The following PCDHA9 variants were observed in gnomAD, a reference collection of about 807,000 sequenced individuals.
PCDHA9 encodes the protein protocadherin alpha-9.
PCDHA9 carries 62 observed loss-of-function variants against 62.0 expected under a neutral mutation model. The observed-to-expected ratio is 1.00, with a 90% CI of 0.81 to 1.23. PCDHA9 has a LOEUF of 1.23. Among genes scored for constraint, PCDHA9 ranks in the 50% most tolerant of loss-of-function variants. The pLI, the probability that PCDHA9 is intolerant of heterozygous loss-of-function variation, is 0.00. For synonymous variants in PCDHA9, 557 were observed against 567.6 expected, an observed-to-expected ratio of 0.98 and a Z score of 0.27; for missense variants, 1,205 against 1,249.8, an observed-to-expected ratio of 0.96 and a Z score of 0.54.
intron 1 of PCDHA9, among the ~76,000 whole-genome samples, chr5:140,899,663 C>T (rs1583349850): frequency 1.3e-5 from 2 of 152,176 alleles, no homozygotes; most frequent in African/African-American, 4.8e-5. Flanking sequence ...TGTCTCTGCC[C>T]GGCTTTGGTA....
intron 1 of PCDHA9, among the ~76,000 whole-genome samples, chr5:140,896,089 G>A (rs13174119): frequency 0.32 from 48,051 of 152,038 alleles, 7,939 homozygotes; most frequent in East Asian, 0.53. Flanking sequence ...GGGATTACAG[G>A]CGTGAGCCAC....
intron 1 of PCDHA9, among the ~76,000 whole-genome samples, chr5:140,925,600 A>G (rs1489455075): frequency 6.6e-6 from 1 of 151,508 alleles, no homozygotes; most frequent in African/African-American, 2.4e-5. Context: ...TACATATGTA[A>G]CAAACCTGCA....
intron 1 of PCDHA9, chr5:140,871,145 C>T (rs1249708738): frequency 1.2e-6 from 2 of 1,613,300 alleles, no homozygotes; most frequent in East Asian, 2.2e-5. Context: ...TCTTCCCGGA[C>T]TTTGGCGGGC....
intron 1 of PCDHA9, chr5:140,863,338 C>T (rs1297413635): frequency 1.3e-5 from 18 of 1,361,566 alleles, no homozygotes; most frequent in Non-Finnish European, 1.8e-5. Flanking sequence ...GCTCACGTTG[C>T]TGCTGTACAC....
At chr5:140,986,480 T>A (rs781884269) in intron 3 of PCDHA9, among the ~76,000 whole-genome samples, 16 of 152,200 alleles carry the variant, frequency 1.1e-4, no homozygotes, top group Non-Finnish European at 1.5e-4. Flanking sequence ...GATCAGTTCC[T>A]AGGGCAATCC....
At chr5:140,954,119 C>T (rs547590061) in intron 1 of PCDHA9, among the ~76,000 whole-genome samples, 2 of 152,156 alleles carry the variant, frequency 1.3e-5, no homozygotes, top group African/African-American at 4.8e-5. Flanking sequence ...AGATCTTGTT[C>T]CTTTTTATGG....
intron 3 of PCDHA9, among the ~76,000 whole-genome samples, chr5:141,000,955 T>G (rs1237087024): frequency 6.6e-6 from 1 of 152,210 alleles, no homozygotes; most frequent in Non-Finnish European, 1.5e-5. Flanking sequence ...CTTGCTGTAA[T>G]TTAAGCCTTC....
chr5:140,851,867 A>T, intron 1 of PCDHA9: 2 of 977,010 alleles, frequency 2.0e-6, no homozygotes, highest in South Asian at 9.5e-5. Context: ...CATACATAAC[A>T]CAAGGCAGAA....
chr5:140,881,655 C>T (rs1336529643), intron 1 of PCDHA9, among the ~76,000 whole-genome samples: 1 of 152,120 alleles, frequency 6.6e-6, no homozygotes, highest in Non-Finnish European at 1.5e-5. Flanking sequence ...TCACCTTCAC[C>T]GATTTTATTC....
At chr5:140,878,855 T>C (rs905851216) in intron 1 of PCDHA9, among the ~76,000 whole-genome samples, 3 of 152,250 alleles carry the variant, frequency 2.0e-5, no homozygotes, top group Admixed American at 6.5e-5. Context: ...TGGGTTCAAC[T>C]GATCCTCCAT....
At chr5:140,977,342 T>A (rs1554238451) in intron 1 of PCDHA9, among the ~76,000 whole-genome samples, 1 of 152,222 alleles carries the variant, frequency 6.6e-6, no homozygotes, top group South Asian at 2.1e-4. Context: ...GAGACGGTGA[T>A]GATGACTGAT....
In PCDHA9 at chr5:140,869,220, C is replaced by T. The variant is rs184355295; in HGVS notation, c.2394+18331C>T. 1,109 of 1,613,836 alleles carry T rather than the reference C, an allele frequency of 6.9e-4. 5 individuals are homozygous for T. The African/African-American group carries it at 0.013, about 19-fold the overall frequency. On this transcript the variant is annotated intron_variant, in intron 1 of 3. Coordinates refer to ENST00000532602, the MANE Select transcript of PCDHA9 (RefSeq NM_031857.2). ...TCCACTACTCCGTCTCGGAGGAGGC[C>T]AAACACGGCACCTTCGTGGGCCGCA...
chr5:140,923,055 A>G (rs1233279179), intron 1 of PCDHA9, among the ~76,000 whole-genome samples: 1 of 152,236 alleles, frequency 6.6e-6, no homozygotes, highest in African/African-American at 2.4e-5. Flanking sequence ...TTTAGAATAA[A>G]AGAGCTAGGT....
Position 140,883,339 on chromosome 5 carries a change from C to A in PCDHA9, c.2394+32450C>A, listed in dbSNP as rs142984869. 95 of 1,614,172 alleles carry A rather than the reference C, an allele frequency of 5.9e-5. No individual in the cohort carries two copies. The African/African-American group carries it at 1.1e-3, about 19-fold the overall frequency. ...AGGTTACCATCACTTCTTTGTCACTCCCCATCAGAGAAGACACTCAGCCTA... is the reference window on the plus strand; with the variant it reads ...AGGTTACCATCACTTCTTTGTCACTACCCATCAGAGAAGACACTCAGCCTA... On this transcript the variant is annotated intron_variant, in intron 1 of 3. Coordinates refer to ENST00000532602, the MANE Select transcript of PCDHA9 (RefSeq NM_031857.2).
chr5:140,928,798 G>A lies in PCDHA9; in HGVS notation c.2395-50151G>A, dbSNP rs1015507486. On this transcript the variant is annotated intron_variant, in intron 1 of 3. Transcript: ENST00000532602. ...TGATGCAGTTAAGCAGAGGGTGGTGGTAGTGGTTCGGGACCATGGAGACCC... is the reference window on the plus strand; with the variant it reads ...TGATGCAGTTAAGCAGAGGGTGGTGATAGTGGTTCGGGACCATGGAGACCC... 2.4e-5 allele frequency: 38 copies of A among 1,614,046 alleles called. No homozygotes were observed. Among genetic ancestry groups the A allele is most frequent in the Non-Finnish European group, 3.2e-5 (38 of 1,180,052 alleles).
At chr5:140,874,386 G>A (rs2054873500) in intron 1 of PCDHA9, among the ~76,000 whole-genome samples, 1 of 152,082 alleles carries the variant, frequency 6.6e-6, no homozygotes. Context: ...GTCTTTTGAT[G>A]CCCCCTTGCA....
At chr5:140,871,062 C>CT in intron 1 of PCDHA9, 1 of 1,613,220 alleles carries the variant, frequency 6.2e-7, no homozygotes, top group South Asian at 1.1e-5. Context: ...TGAAGGATCA[C>CT]GGTGAGCCGG....
In PCDHA9 at chr5:140,927,522, A is replaced by G. The variant is rs1292484442; in HGVS notation, c.2395-51427A>G. On this transcript the variant is annotated intron_variant, in intron 1 of 3. Coordinates refer to ENST00000532602, the MANE Select transcript of PCDHA9 (RefSeq NM_031857.2). ...TGCTTACAGCTCGGGACGGCGGGCT[A>G]CCTGCCCGCTCAGGAGACGCACAAG... 5.6e-6 allele frequency: 9 copies of G among 1,614,088 alleles called. No homozygotes were observed. In the South Asian group the frequency reaches 9.9e-5, roughly 18 times the overall value.
intron 1 of PCDHA9, chr5:140,870,336 C>T (rs782392888): frequency 2.3e-5 from 37 of 1,614,034 alleles, no homozygotes; most frequent in Non-Finnish European, 2.9e-5. Flanking sequence ...TGGACAGCGC[C>T]CTGGACCGCG....
Sources: gnomAD v4.1 joint callset for allele counts (sites outside exome capture counted in the v4.1 genomes callset) on GRCh38, gnomAD v4.1.1 for gene constraint, MANE v1.5 for transcripts, NCBI Gene and HGNC (gene_info 2026-07-23, HGNC 2026-07-21) for gene names.